The following ACP5 variants were observed in gnomAD, a reference collection of about 807,000 sequenced individuals.
The protein encoded by ACP5 is tartrate-resistant acid phosphatase type 5.
A neutral mutation model predicts 28.7 loss-of-function variants in ACP5; 24 were observed. The ratio of observed to expected loss-of-function variants is 0.84; its 90% CI spans 0.61 to 1.18. The LOEUF (loss-of-function observed/expected upper bound fraction) is 1.18. Among genes scored for constraint, ACP5 ranks in the 50% most tolerant of loss-of-function variants. The pLI, the probability that ACP5 is intolerant of heterozygous loss-of-function variation, is 0.00. For missense variants in ACP5, 354 were observed against 422.2 expected (o/e 0.84, Z 1.42); for synonymous variants, 154 against 181.4 (o/e 0.85, Z 1.21).
upstream of ACP5, chr19:11,577,659 C>T (rs1018494781): frequency 1.1e-5 from 5 of 437,572 alleles, no homozygotes; most frequent in East Asian, 4.6e-5. The surrounding 1 kb of genome is among the most constrained non-coding windows in gnomAD (Gnocchi z 5.7). Flanking sequence ...GTAGAACTGC[C>T]GGTCCCTGAG....
rs1349687271 is a variant in ACP5, at chr19:11,576,578, T to C, written c.400A>G (p.Ser134Gly). 5 of 1,613,512 alleles carry C rather than the reference T, an allele frequency of 3.1e-6. No homozygotes were observed. Among genetic ancestry groups the C allele is most frequent in the Non-Finnish European group, 4.2e-6 (5 of 1,179,770 alleles). Residue 134 changes from serine (S) to glycine (G), a missense_variant, in exon 4 of 5, where the codon AGC (serine) becomes GGC (glycine). Physicochemically the swap from Ser to Gly is moderately conservative, Grantham distance 56. Coordinates refer to ENST00000648477, the MANE Select transcript of ACP5 (RefSeq NM_001611.5). ...TTGAAGTGCAGGCGGTAGAAAGGGC[T>C]GGGGAAGTTCCTGTGGAGGGGATAG... ...SKISKRWNFP[S>G]PFYRLHFKIP...
At chr19:11,576,631 G>A (rs754840152) in intron 3 of ACP5, 43 bp from the exon 4 acceptor site, 4 of 1,613,610 alleles carry the variant, frequency 2.5e-6, no homozygotes, top group Non-Finnish European at 3.4e-6. Context: ...CTTGGGCGCA[G>A]AAGTCCCAGG....
Position 11,576,241 on chromosome 19 carries a change from A to T in ACP5, c.735+2T>A. On this transcript the variant is annotated splice_donor_variant, in intron 4 of 4. Coordinates refer to ENST00000648477, the MANE Select transcript of ACP5 (RefSeq NM_001611.5). LOFTEE classifies it high-confidence loss of function. ...CTCCCACCCCACCCACAGGGCCCTC[A>T]CCTGCAGATTGTGATCGTGGCCGCA... The T allele has an allele frequency of 6.2e-7, 1 of 1,603,892 alleles. No homozygotes were observed. The highest frequency in any genetic ancestry group is 8.5e-7 in the Non-Finnish European group (1 of 1,179,674).
chr19:11,576,988 G>A (rs1973188710), intron 2 of ACP5, 69 bp downstream of exon 2: 1 of 1,609,794 alleles, frequency 6.2e-7, no homozygotes, highest in Admixed American at 1.7e-5. Flanking sequence ...CCAAAGGAAG[G>A]TCACTAGGTA....
chr19:11,576,669 T>G, intron 3 of ACP5, 47 bp downstream of exon 3: 1 of 1,613,846 alleles, frequency 6.2e-7, no homozygotes, highest in Non-Finnish European at 8.5e-7. Flanking sequence ...GGCCCCTGTG[T>G]CCCTGCTATG....
chr19:11,575,149 C>T lies in ACP5; in HGVS notation c.839G>A (p.Arg280His), dbSNP rs771458690. The T allele has an allele frequency of 1.2e-5, 19 of 1,614,086 alleles. 1 individual carries two copies. Among genetic ancestry groups the T allele is most frequent in the East Asian group, 4.5e-5 (2 of 44,896 alleles). Reference sequence around the variant, plus strand: ...TGAGTCTTCAGTCCCATAGTGGAAGCGCAGATAGCCGTTGGGGACCTTGCG... The same window carrying T: ...TGAGTCTTCAGTCCCATAGTGGAAGTGCAGATAGCCGTTGGGGACCTTGCG... ...HQRKVPNGYL[R>H]FHYGTEDSLG... The change falls in exon 5 of 5, where the codon CGC (arginine) becomes CAC (histidine). Residue 280 changes from arginine (R) to histidine (H), a missense_variant. Transcript: ENST00000648477.
At position 11,577,502 on chromosome 19, in the gene ACP5, G is replaced by C. The variant is rs1973217458; in HGVS notation, c.-1+91C>G. On this transcript the variant is annotated intron_variant, in intron 1 of 4. Transcript: ENST00000648477. This position sits in a 1 kb window ranked among gnomAD's most constrained non-coding sequence, Gnocchi z 5.7. ...AGGCTGCACAAGCTGGCTTAGGGAA[G>C]GGGGGCGCGGTCTGTGAGAGGGCGA... is the stretch of plus-strand genomic sequence containing the variant. The C allele has an allele frequency of 2.9e-6, 2 of 700,092 alleles. No homozygotes were observed. Among genetic ancestry groups the C allele is most frequent in the South Asian group, 1.7e-5 (1 of 59,172 alleles). 43.4% of individuals were successfully genotyped at this position (700,092 alleles called of 1,614,324 possible).
chr19:11,574,980 C>G lies in ACP5; in HGVS notation c.*30G>C. ...GGCCCACCCACCCAACAGTGGAGAT[C>G]GGGCCTCAGAGCTGGGCAGTCATGG... On this transcript the variant is annotated 3_prime_UTR_variant, in exon 5 of 5. Coordinates refer to ENST00000648477, the MANE Select transcript of ACP5 (RefSeq NM_001611.5). The G allele has an allele frequency of 6.2e-7, 1 of 1,613,546 alleles. No individual in the cohort carries two copies. Among genetic ancestry groups the G allele is most frequent in the Non-Finnish European group, 8.5e-7 (1 of 1,179,786 alleles).
chr19:11,575,140 T>C lies in ACP5; in HGVS notation c.848A>G (p.Tyr283Cys), dbSNP rs931778512. ...KVPNGYLRFH[Y>C]GTEDSLGGFA... ...GCCACCCAGTGAGTCTTCAGTCCCA[T>C]AGTGGAAGCGCAGATAGCCGTTGGG... The change falls in exon 5 of 5, where the codon TAT becomes TGT. Residue 283 changes from tyrosine (Y) to cysteine (C), a missense_variant. Physicochemically the swap from Tyr to Cys is radical, Grantham distance 194 (BLOSUM62 -2). Coordinates refer to ENST00000648477, the MANE Select transcript of ACP5 (RefSeq NM_001611.5). 1.7e-5 allele frequency: 27 copies of C among 1,614,144 alleles called. No homozygotes were observed. Among genetic ancestry groups the C allele is most frequent in the East Asian group, 2.2e-5 (1 of 44,876 alleles).
In ACP5 at chr19:11,577,467, A is replaced by G. The variant is rs768213019; in HGVS notation, c.-1+126T>C. Reference sequence around the variant, plus strand: ...TGGTGCCCTAATTCTCAGGACACACAAGCTGCACAAGGCTGCACAAGCTGG... The same window carrying G: ...TGGTGCCCTAATTCTCAGGACACACGAGCTGCACAAGGCTGCACAAGCTGG... On this transcript the variant is annotated intron_variant, in intron 1 of 4. Transcript: ENST00000648477. The surrounding 1 kb of genome is among the most constrained non-coding windows in gnomAD (Gnocchi z 5.7). 2.6e-5 allele frequency: 23 copies of G among 886,076 alleles called. No individual in the cohort carries two copies. Among genetic ancestry groups the G allele is most frequent in the Non-Finnish European group, 4.1e-5 (23 of 557,322 alleles). 54.9% of individuals were successfully genotyped at this position (886,076 alleles called of 1,614,324 possible). A position where few individuals can be genotyped will look rare whatever the true frequency, so the allele number is the denominator to read the frequency against.
chr19:11,577,659 C>G, upstream of ACP5: 1 of 437,690 alleles, frequency 2.3e-6, no homozygotes, highest in East Asian at 4.6e-5. The surrounding 1 kb of genome is among the most constrained non-coding windows in gnomAD (Gnocchi z 5.7). Context: ...GTAGAACTGC[C>G]GGTCCCTGAG....
At chr19:11,575,488 C>G in intron 4 of ACP5, 1 of 538,010 alleles carries the variant, frequency 1.9e-6, no homozygotes, top group Non-Finnish European at 3.3e-6. Flanking sequence ...CTTTGGGAGG[C>G]TGAGGGGGTG....
chr19:11,575,656 G>A (rs1202077601), intron 4 of ACP5: 5 of 256,384 alleles, frequency 2.0e-5, no homozygotes, highest in African/African-American at 1.1e-4. Context: ...TCAGAAGTTC[G>A]AGATCAGCCT....
chr19:11,577,881 G>T (rs1456798251), upstream of ACP5: 3 of 214,016 alleles, frequency 1.4e-5, no homozygotes, highest in Admixed American at 1.6e-4. This position sits in a 1 kb window ranked among gnomAD's most constrained non-coding sequence, Gnocchi z 5.7. Context: ...GCCTGTTTGT[G>T]CTGTAGGCTT....
rs757630659 is a variant in ACP5 at position 11,577,257 on chromosome 19, C to G, written c.61G>C (p.Gly21Arg). The G allele has an allele frequency of 9.9e-6, 16 of 1,614,170 alleles. No individual in the cohort carries two copies. Among genetic ancestry groups the G allele is most frequent in the Non-Finnish European group, 1.4e-5 (16 of 1,180,018 alleles). ...QALLLPSLAD[G>R]ATPALRFVAV... ...ACAAAGCGCAGGGCAGGGGTGGCAC[C>G]ATCAGCCAGGGAGGGTAGCAACAAG... is the stretch of plus-strand genomic sequence containing the variant. Residue 21 changes from glycine to arginine, a missense_variant, in exon 2 of 5, where the codon GGT becomes CGT. Transcript: ENST00000648477. The surrounding 1 kb of genome is among the most constrained non-coding windows in gnomAD (Gnocchi z 5.7).
chr19:11,575,020 G>T lies in ACP5; in HGVS notation c.968C>A (p.Ala323Asp). The T allele has an allele frequency of 3.1e-6, 5 of 1,614,116 alleles. No homozygotes were observed. The highest frequency in any genetic ancestry group is 4.2e-6 in the Non-Finnish European group (5 of 1,180,014). The change falls in exon 5 of 5, where the codon GCC becomes GAC. Residue 323 changes from alanine to aspartate, a missense_variant. Coordinates refer to ENST00000648477, the MANE Select transcript of ACP5 (RefSeq NM_001611.5). ...SLFKTRLPRRARP is the reference protein window; with the variant it reads ...SLFKTRLPRRDRP ...GGCAGTCATGGGAGTTCAGGGCCTG[G>T]CTCGCCTCGGCAGCCTGGTCTTAAA...
At chr19:11,578,296 G>A (rs1236001430), upstream of ACP5, 1 of 152,382 alleles carries the variant, frequency 6.6e-6, no homozygotes, top group Non-Finnish European at 1.5e-5. Flanking sequence ...CAACATCTGG[G>A]TGGGGGACTC....
upstream of ACP5, chr19:11,578,054 GCGTGCAGCTGAGCAT>G (rs1220395166): frequency 2.6e-5 from 4 of 155,526 alleles, no homozygotes; most frequent in African/African-American, 9.7e-5. Flanking sequence ...CTTGCTTCCT[GCGTGCAGCTGAGCAT>G]GCCTACCTGG....
At position 11,576,341 on chromosome 19, in the gene ACP5, C is replaced by T. The variant is rs142179752; in HGVS notation, c.637G>A (p.Glu213Lys). 16 of 1,610,440 alleles carry T rather than the reference C, an allele frequency of 9.9e-6. No homozygotes were observed. The Admixed American group carries it at 1.2e-4, about 12-fold the overall frequency. Residue 213 changes from glutamate (E) to lysine (K), a missense_variant, in exon 4 of 5, where the codon GAG (glutamate) becomes AAG (lysine). Physicochemically the swap from Glu to Lys is moderately conservative, Grantham distance 56 (BLOSUM62 1). Coordinates refer to ENST00000648477, the MANE Select transcript of ACP5 (RefSeq NM_001611.5). Reference sequence around the variant, plus strand: ...ACCAGGCAGTGGGTAGGCCCGTGCTCGGCTATGGACCACACGGGGTAGTGG... The same window carrying T: ...ACCAGGCAGTGGGTAGGCCCGTGCTTGGCTATGGACCACACGGGGTAGTGG... ...AGHYPVWSIA[E>K]HGPTHCLVKQ...
Sources: allele counts gnomAD v4.1 joint callset, GRCh38; gene constraint gnomAD v4.1.1; non-coding constraint Gnocchi (gnomAD v3.1); transcripts MANE v1.5; gene names NCBI Gene and HGNC (gene_info 2026-07-23, HGNC 2026-07-21).